Variants in EXOC6B observed in about 807,000 individuals in gnomAD.
EXOC6B encodes exocyst complex component 6B.
A neutral mutation model predicts 113.5 loss-of-function variants in EXOC6B; 54 were observed. The ratio of observed to expected loss-of-function variants is 0.48; its 90% CI spans 0.38 to 0.60. The LOEUF (loss-of-function observed/expected upper bound fraction) is 0.60. EXOC6B is among the 20% of genes least tolerant of loss of function. The probability of loss-of-function intolerance (pLI) is 0.00; values close to 1 mark genes in which losing one functional copy is unlikely to be tolerated. For synonymous variants in EXOC6B, 357 were observed against 339.0 expected (o/e 1.05, Z -0.58); for missense variants, 797 against 977.5 (o/e 0.82, Z 2.46).
chr2:72,645,979 T>C lies in EXOC6B; in HGVS notation c.670-70311A>G, dbSNP rs1673675217. ...AAGGAGATAGAGACACAAAAAACCC[T>C]TCAAAAAAATCAGTGAATCCAGGAG... is the stretch of plus-strand genomic sequence containing the variant. On this transcript the variant is annotated intron_variant, in intron 6 of 21. Transcript: ENST00000272427. Among the ~76,000 whole-genome samples, 5 of 152,086 alleles carry C rather than the reference T, an allele frequency of 3.3e-5. No individual in the cohort carries two copies. In the South Asian group the frequency reaches 1.0e-3, roughly 32 times the overall value.
At chr2:72,261,067 G>T (rs771792296) in intron 20 of EXOC6B, among the ~76,000 whole-genome samples, 11 of 151,990 alleles carry the variant, frequency 7.2e-5, no homozygotes, top group Non-Finnish European at 4.4e-5. Flanking sequence ...ACTCTTGCAG[G>T]CTCCCAGAAT....
At chr2:72,696,410 T>A (rs1231196608) in intron 6 of EXOC6B, among the ~76,000 whole-genome samples, 1 of 152,238 alleles carries the variant, frequency 6.6e-6, no homozygotes, top group Non-Finnish European at 1.5e-5. Context: ...AAGACCATTA[T>A]AATAACGGTC....
At chr2:72,389,724 TA>T (rs1692253590) in intron 18 of EXOC6B, among the ~76,000 whole-genome samples, 1 of 152,162 alleles carries the variant, frequency 6.6e-6, no homozygotes, top group Non-Finnish European at 1.5e-5. Flanking sequence ...CTGGTTTGCA[TA>T]GTTTCTGATT....
At chr2:72,735,744 G>T (rs185512483) in intron 2 of EXOC6B, among the ~76,000 whole-genome samples, 8 of 151,982 alleles carry the variant, frequency 5.3e-5, no homozygotes, top group Admixed American at 4.6e-4. Context: ...TGAACCGGGT[G>T]GGGGGACGTG....
At chr2:72,265,671 G>C (rs1445225969) in intron 20 of EXOC6B, among the ~76,000 whole-genome samples, 2 of 151,464 alleles carry the variant, frequency 1.3e-5, no homozygotes, top group Non-Finnish European at 2.9e-5. Context: ...CATTTGGGTT[G>C]GTTCCAAGTC....
intron 19 of EXOC6B, among the ~76,000 whole-genome samples, chr2:72,337,081 T>C (rs2104889245): frequency 6.6e-6 from 1 of 152,232 alleles, no homozygotes; most frequent in Admixed American, 6.6e-5. Flanking sequence ...AAAAGCTTGA[T>C]ATAATCCATT....
chr2:72,218,152 T>C (rs990574827), intron 20 of EXOC6B, among the ~76,000 whole-genome samples: 1 of 152,172 alleles, frequency 6.6e-6, no homozygotes, highest in Admixed American at 6.5e-5. Context: ...GAAAACAATT[T>C]ACATACTTGC....
At chr2:72,224,994 G>GTGTATATATATATA (rs908047817) in intron 20 of EXOC6B, among the ~76,000 whole-genome samples, 56 of 137,256 alleles carry the variant, frequency 4.1e-4, no homozygotes, top group Non-Finnish European at 5.8e-4. Context: ...GTGTGTGTGT[G>GTGTATATATATATA]TATATATATA....
intron 17 of EXOC6B, among the ~76,000 whole-genome samples, chr2:72,478,614 C>T (rs1024737783): frequency 1.3e-5 from 2 of 152,216 alleles, no homozygotes; most frequent in African/African-American, 4.8e-5. Flanking sequence ...ATTTAACTGG[C>T]TGTTCAGCCC....
At chr2:72,315,669 C>A (rs1052579969) in intron 20 of EXOC6B, among the ~76,000 whole-genome samples, 1 of 151,996 alleles carries the variant, frequency 6.6e-6, no homozygotes, top group Admixed American at 6.6e-5. Flanking sequence ...ACAGATTGGA[C>A]GTGTGATGTG....
rs1024827607 is a variant in EXOC6B at position 72,335,155 on chromosome 2, C to T, written c.2123-135G>A. ...CTTCTAAGGAGTCATGTCTCTCTCC[C>T]TTCAGCTTCTTTGTTTGCCCTTCAA... is the stretch of plus-strand genomic sequence containing the variant. On this transcript the variant is annotated intron_variant, in intron 19 of 21. Transcript: ENST00000272427. 29 of 711,038 alleles carry T rather than the reference C, an allele frequency of 4.1e-5. No homozygotes were observed. In the Middle Eastern group the frequency reaches 1.6e-3, roughly 39 times the overall value. 44.0% of individuals were successfully genotyped at this position (711,038 alleles called of 1,614,324 possible).
rs1002700596 is a variant in EXOC6B at position 72,427,909 on chromosome 2, A to C, written c.1980+37251T>G. On this transcript the variant is annotated intron_variant, in intron 18 of 21. Transcript: ENST00000272427. The stretch of plus-strand genomic sequence containing the variant: ...TGAGGCCCACAAAAGCTCTGAGCTC[A>C]GCCATAGCTGGACAGACAATGGGAC... 6.6e-5 allele frequency among the ~76,000 whole-genome samples: 10 copies of C among 152,288 alleles called. No homozygotes were observed. In the East Asian group the frequency reaches 1.9e-3, roughly 30 times the overall value.
rs1254377634 is a variant in EXOC6B, at chr2:72,773,120, C to CTTTTTTT, written c.114-31658_114-31652dup. Among the ~76,000 whole-genome samples the CTTTTTTT allele has an allele frequency of 5.0e-4, 47 of 94,890 alleles. 2 individuals are homozygous for CTTTTTTT. The highest frequency in any genetic ancestry group is 1.5e-3 in the African/African-American group (33 of 21,324). 62.3% of individuals were successfully genotyped at this position (94,890 alleles called of 152,430 possible). A position where few individuals can be genotyped will look rare whatever the true frequency, so the allele number is the denominator to read the frequency against. On this transcript the variant is annotated intron_variant, in intron 1 of 21. Transcript: ENST00000272427. The stretch of plus-strand genomic sequence containing the variant: ...GCTAAGACAGTAGACCTTAGATTTT[C>CTTTTTTT]TTTTTTTTTTTTTTTTTTTTTTGTG...
At chr2:72,197,121 G>A (rs1679222834) in intron 20 of EXOC6B, among the ~76,000 whole-genome samples, 1 of 152,144 alleles carries the variant, frequency 6.6e-6, no homozygotes, top group Non-Finnish European at 1.5e-5. Flanking sequence ...GAAGAAAATA[G>A]ACATTTCTTG....
chr2:72,418,153 A>T (rs1694647119), intron 18 of EXOC6B, among the ~76,000 whole-genome samples: 1 of 152,158 alleles, frequency 6.6e-6, no homozygotes, highest in Non-Finnish European at 1.5e-5. Flanking sequence ...GTATCCATAA[A>T]TTATTACTCT....
At chr2:72,545,853 T>C (rs546489654) in intron 8 of EXOC6B, among the ~76,000 whole-genome samples, 88 of 152,358 alleles carry the variant, frequency 5.8e-4, no homozygotes, top group Non-Finnish European at 1.0e-3. Flanking sequence ...AGTGCTTTAC[T>C]GTAATGTTCA....
At chr2:72,373,491 GT>G (rs1353546699) in intron 19 of EXOC6B, among the ~76,000 whole-genome samples, 1 of 152,156 alleles carries the variant, frequency 6.6e-6, no homozygotes, top group African/African-American at 2.4e-5. Flanking sequence ...AACCCACAGA[GT>G]AGTAGAAAAT....
intron 1 of EXOC6B, 87 bp from the exon 2 acceptor site, chr2:72,741,556 C>T (rs1006254945): frequency 1.7e-6 from 2 of 1,142,942 alleles, no homozygotes; most frequent in Admixed American, 2.5e-5. Flanking sequence ...AAATTTAGGG[C>T]ACATAAGCCA....
rs150973043 is a variant in EXOC6B at position 72,442,350 on chromosome 2, A to T, written c.1980+22810T>A. Among the ~76,000 whole-genome samples the T allele has an allele frequency of 1.1e-4, 16 of 152,310 alleles. No individual in the cohort carries two copies. In the East Asian group the frequency reaches 2.9e-3, roughly 28 times the overall value. On this transcript the variant is annotated intron_variant, in intron 18 of 21. Transcript: ENST00000272427. ...CCCCCCGCAAAAAATGGCACAAGAC[A>T]AGGATGCCCTCTCTCAAGACTCATA...
Sources: allele counts gnomAD v4.1 joint callset (sites outside exome capture counted in the v4.1 genomes callset), GRCh38; gene constraint gnomAD v4.1.1; transcripts MANE v1.5; gene names NCBI Gene and HGNC (gene_info 2026-07-23, HGNC 2026-07-21).